The following ROR1 variants were observed in gnomAD, a reference collection of about 807,000 sequenced individuals.
ROR1 encodes ROR family WNT receptor 1.
In ROR1, 19 loss-of-function variants were observed where a neutral mutation model predicts 78.8. That is an observed-to-expected ratio of 0.24 (90% CI 0.17 to 0.35). The LOEUF (loss-of-function observed/expected upper bound fraction) is 0.35, where lower values mean the gene tolerates loss of function less well. Among genes scored for constraint, ROR1 ranks in the 10% least tolerant of loss-of-function variants. The probability of loss-of-function intolerance (pLI) is 1.00; values close to 1 mark genes in which losing one functional copy is unlikely to be tolerated. For synonymous variants in ROR1, 386 were observed against 433.6 expected (o/e 0.89, Z 1.36); for missense variants, 917 against 1,177.8 (o/e 0.78, Z 3.24).
At chr1:63,853,114 A>C (rs1645124562) in intron 1 of ROR1, among the ~76,000 whole-genome samples, 1 of 152,186 alleles carries the variant, frequency 6.6e-6, no homozygotes, top group Non-Finnish European at 1.5e-5. Flanking sequence ...AAAGATGTCT[A>C]ATATGATTTA....
chr1:64,034,364 G>A (rs1345031499), intron 2 of ROR1, among the ~76,000 whole-genome samples: 1 of 151,778 alleles, frequency 6.6e-6, no homozygotes, highest in Non-Finnish European at 1.5e-5. Context: ...TTCCACTGGT[G>A]GTGTGCCCAT....
chr1:63,804,014 G>A (rs1212347113), intron 1 of ROR1, among the ~76,000 whole-genome samples: 1 of 152,102 alleles, frequency 6.6e-6, no homozygotes, highest in African/African-American at 2.4e-5. Context: ...GTACCCTTTT[G>A]AGATTATGCT....
intron 1 of ROR1, among the ~76,000 whole-genome samples, chr1:63,837,894 A>T (rs963723399): frequency 6.6e-6 from 1 of 152,208 alleles, no homozygotes. Flanking sequence ...TGGTAGCTAC[A>T]GTCAGGCACT....
intron 1 of ROR1, among the ~76,000 whole-genome samples, chr1:63,934,413 A>C (rs1348752272): frequency 9.2e-5 from 14 of 152,052 alleles, no homozygotes; most frequent in Admixed American, 8.5e-4. Context: ...TGTGTGGATC[A>C]AAATGGTATC....
chr1:63,822,657 T>A (rs1452602814), intron 1 of ROR1, among the ~76,000 whole-genome samples: 1 of 152,234 alleles, frequency 6.6e-6, no homozygotes, highest in East Asian at 1.9e-4. Context: ...AGTGTTATTG[T>A]GAACAGCTTT....
At chr1:64,006,023 C>A (rs560374327) in intron 1 of ROR1, among the ~76,000 whole-genome samples, 37 of 152,270 alleles carry the variant, frequency 2.4e-4, no homozygotes, top group Middle Eastern at 6.8e-3. Flanking sequence ...ACGTGGGGAA[C>A]AATTTCAGTG....
intron 7 of ROR1, among the ~76,000 whole-genome samples, chr1:64,148,097 A>C (rs558142562): frequency 6.6e-6 from 1 of 152,330 alleles, no homozygotes; most frequent in South Asian, 2.1e-4. Context: ...AGTAATTATC[A>C]TTTATTGTAT....
chr1:64,089,190 A>G (rs1431852479), intron 4 of ROR1, among the ~76,000 whole-genome samples: 1 of 143,230 alleles, frequency 7.0e-6, no homozygotes, highest in Non-Finnish European at 1.5e-5. Context: ...AAGATTTGAC[A>G]ATAATAGTAA....
intron 4 of ROR1, among the ~76,000 whole-genome samples, chr1:64,098,372 C>T (rs1647383707): frequency 6.6e-6 from 1 of 152,130 alleles, no homozygotes; most frequent in South Asian, 2.1e-4. Context: ...TTTGTGCTTG[C>T]AGCAAATAGA....
intron 1 of ROR1, among the ~76,000 whole-genome samples, chr1:63,808,039 TTCTTCC>T (rs957058617): frequency 1.3e-5 from 2 of 152,146 alleles, no homozygotes; most frequent in African/African-American, 4.8e-5. Flanking sequence ...CCTTCTCTCT[TTCTTCC>T]TCTTCCTCCA....
chr1:63,873,193 T>C (rs1328952440), intron 1 of ROR1, among the ~76,000 whole-genome samples: 1 of 152,134 alleles, frequency 6.6e-6, no homozygotes, highest in East Asian at 1.9e-4. Context: ...TCATCAAGGC[T>C]ACATGGAGAC....
At chr1:63,896,465 A>C (rs994463437) in intron 1 of ROR1, among the ~76,000 whole-genome samples, 15 of 152,224 alleles carry the variant, frequency 9.9e-5, no homozygotes, top group African/African-American at 3.6e-4. Context: ...GATTTCCATA[A>C]CACTTGGTAG....
intron 7 of ROR1, among the ~76,000 whole-genome samples, chr1:64,156,204 C>G (rs1409550269): frequency 6.6e-6 from 1 of 152,200 alleles, no homozygotes; most frequent in Non-Finnish European, 1.5e-5. Flanking sequence ...TCCCATTTTA[C>G]AGATGAGTTT....
Position 63,865,959 on chromosome 1 carries a change from A to C in ROR1, c.91+91451A>C, listed in dbSNP as rs544975700. On this transcript the variant is annotated intron_variant, in intron 1 of 8. Transcript: ENST00000371079. ...TGTGGCAAGTCTGGTGGAGAAAAAA[A>C]CCCAACAATCTTGAAGCTGTTTTAA... Among the ~76,000 whole-genome samples, 10 of 152,298 alleles carry C rather than the reference A, an allele frequency of 6.6e-5. No individual in the cohort carries two copies. The South Asian group carries it at 1.7e-3, about 25-fold the overall frequency.
intron 1 of ROR1, among the ~76,000 whole-genome samples, chr1:63,886,788 C>T (rs771115374): frequency 2.0e-5 from 3 of 151,706 alleles, no homozygotes; most frequent in East Asian, 2.0e-4. Flanking sequence ...CGACCACCCA[C>T]CTCCACACTG....
intron 2 of ROR1, among the ~76,000 whole-genome samples, chr1:64,025,422 A>G (rs1261308930): frequency 6.6e-6 from 1 of 152,180 alleles, no homozygotes; most frequent in East Asian, 1.9e-4. Context: ...TAAAAATAGA[A>G]CTACCATTTG....
At chr1:63,975,285 G>A (rs981445737) in intron 1 of ROR1, among the ~76,000 whole-genome samples, 5 of 152,162 alleles carry the variant, frequency 3.3e-5, no homozygotes, top group African/African-American at 1.2e-4. Context: ...AGTTGATTAT[G>A]TTTTTATAGT....
chr1:63,905,709 A>G (rs996703544), intron 1 of ROR1, among the ~76,000 whole-genome samples: 1 of 152,214 alleles, frequency 6.6e-6, no homozygotes, highest in Non-Finnish European at 1.5e-5. Context: ...AGCTCATCCT[A>G]TTGACGTTCT....
chr1:64,088,082 T>C (rs1308593186), intron 4 of ROR1, among the ~76,000 whole-genome samples: 1 of 152,248 alleles, frequency 6.6e-6, no homozygotes, highest in Non-Finnish European at 1.5e-5. Flanking sequence ...AAAATTTGTA[T>C]GCCAAAGTTA....
Sources: allele counts gnomAD v4.1 joint callset (sites outside exome capture counted in the v4.1 genomes callset), GRCh38; gene constraint gnomAD v4.1.1; transcripts MANE v1.5; gene names NCBI Gene and HGNC (gene_info 2026-07-23, HGNC 2026-07-21).